The following NIBAN1 variants were observed in gnomAD, a reference collection of about 807,000 sequenced individuals.
NIBAN1 encodes the protein niban apoptosis regulator 1.
In NIBAN1, 81 loss-of-function variants were observed where a neutral mutation model predicts 75.1. The ratio of observed to expected loss-of-function variants is 1.08; its 90% CI spans 0.90 to 1.30. The LOEUF is 1.30. NIBAN1 is among the 50% of genes most tolerant of loss of function. The pLI, the probability that NIBAN1 is intolerant of heterozygous loss-of-function variation, is 0.00. For synonymous variants in NIBAN1, 436 were observed against 424.8 expected, an observed-to-expected ratio of 1.03 and a Z score of -0.32; for missense variants, 1,133 against 1,128.1, an observed-to-expected ratio of 1.00 and a Z score of -0.06.
intron 1 of NIBAN1, among the ~76,000 whole-genome samples, chr1:184,962,357 G>A (rs1658671272): frequency 6.6e-6 from 1 of 152,132 alleles, no homozygotes; most frequent in Non-Finnish European, 1.5e-5. Flanking sequence ...GAGAATTTGT[G>A]TATATTTAAT....
intron 6 of NIBAN1, 147 bp downstream of exon 6, chr1:184,831,700 C>T (rs533040448): frequency 4.7e-6 from 3 of 634,102 alleles, no homozygotes; most frequent in Admixed American, 5.7e-5. Flanking sequence ...CTGACCAATG[C>T]TTGCAGACAT....
At chr1:184,824,556 G>A (rs967960066) in intron 6 of NIBAN1, among the ~76,000 whole-genome samples, 4 of 152,180 alleles carry the variant, frequency 2.6e-5, no homozygotes, top group East Asian at 1.9e-4. Context: ...CTGGCAAAGA[G>A]GGAAATAATC....
At chr1:184,898,400 A>G (rs1421656523) in intron 2 of NIBAN1, among the ~76,000 whole-genome samples, 1 of 152,182 alleles carries the variant, frequency 6.6e-6, no homozygotes, top group African/African-American at 2.4e-5. Flanking sequence ...GGATCACTTG[A>G]GGTCAGGAGT....
chr1:184,837,822 A>G (rs1655179034), intron 5 of NIBAN1, among the ~76,000 whole-genome samples: 2 of 152,092 alleles, frequency 1.3e-5, no homozygotes, highest in South Asian at 2.1e-4. Flanking sequence ...CTCTTCTTCC[A>G]TATGGTAACC....
At chr1:184,903,882 G>A (rs1284460554) in intron 1 of NIBAN1, among the ~76,000 whole-genome samples, 1 of 150,998 alleles carries the variant, frequency 6.6e-6, no homozygotes, top group African/African-American at 2.4e-5. Flanking sequence ...GACCACAGGA[G>A]CGTGCCACCA....
intron 1 of NIBAN1, among the ~76,000 whole-genome samples, chr1:184,947,787 C>T (rs1025379293): frequency 6.6e-6 from 1 of 152,170 alleles, no homozygotes; most frequent in African/African-American, 2.4e-5. Flanking sequence ...AGTCCTGGCA[C>T]AATTCACTAA....
At chr1:184,956,033 GT>G (rs1553231287) in intron 1 of NIBAN1, among the ~76,000 whole-genome samples, 5 of 148,076 alleles carry the variant, frequency 3.4e-5, no homozygotes, top group South Asian at 2.1e-4. Context: ...CTTTTTGTTT[GT>G]TTTTTTTTTT....
At chr1:184,857,179 G>A (rs1168136020) in intron 5 of NIBAN1, among the ~76,000 whole-genome samples, 1 of 152,184 alleles carries the variant, frequency 6.6e-6, no homozygotes, top group East Asian at 1.9e-4. Flanking sequence ...ATGGGTTCTG[G>A]AGTCTGCAAG....
At chr1:184,901,978 T>G (rs940360865) in intron 1 of NIBAN1, among the ~76,000 whole-genome samples, 2 of 152,184 alleles carry the variant, frequency 1.3e-5, no homozygotes, top group African/African-American at 4.8e-5. Context: ...TAAAGTTATT[T>G]GGCAAGTGTA....
intron 1 of NIBAN1, among the ~76,000 whole-genome samples, chr1:184,961,734 G>T (rs550158122): frequency 2.6e-5 from 4 of 152,318 alleles, no homozygotes; most frequent in South Asian, 4.1e-4. Flanking sequence ...TGATGGCTTA[G>T]GAAGGAATGT....
rs148871706 is a variant in NIBAN1, at chr1:184,843,358, G to A, written c.602-11396C>T. On this transcript the variant is annotated intron_variant, in intron 5 of 13. Transcript: ENST00000367511. ...TGAATGATCTGTTTCTTTACCATAA[G>A]TTTTTTTTCAAAGCCTTACAGATAT... Among the ~76,000 whole-genome samples, 709 of 151,524 alleles carry A rather than the reference G, an allele frequency of 4.7e-3. 9 individuals carry two copies. Among genetic ancestry groups the A allele is most frequent in the African/African-American group, 0.016 (669 of 41,294 alleles).
chr1:184,823,044 T>G (rs892631158), intron 8 of NIBAN1, 123 bp downstream of exon 8: 1 of 1,175,160 alleles, frequency 8.5e-7, no homozygotes, highest in Admixed American at 2.3e-5. Flanking sequence ...GTTGCAGCTG[T>G]GATCACCTCC....
At chr1:184,904,251 G>A (rs779889217) in intron 1 of NIBAN1, among the ~76,000 whole-genome samples, 36 of 151,508 alleles carry the variant, frequency 2.4e-4, no homozygotes, top group Non-Finnish European at 2.9e-4. Flanking sequence ...GGCTGGTTTC[G>A]AATCCCTAGA....
chr1:184,797,587 G>A (rs1558094159), intron 13 of NIBAN1, among the ~76,000 whole-genome samples: 1 of 151,456 alleles, frequency 6.6e-6, no homozygotes, highest in Non-Finnish European at 1.5e-5. Flanking sequence ...GTCTGGCTGA[G>A]TGGAGTCTGG....
At chr1:184,836,659 G>T (rs1655153830) in intron 5 of NIBAN1, among the ~76,000 whole-genome samples, 1 of 152,162 alleles carries the variant, frequency 6.6e-6, no homozygotes, top group South Asian at 2.1e-4. Flanking sequence ...TCTTAATACA[G>T]AAGAGAAGAA....
chr1:184,796,913 C>G (rs1053839840), intron 13 of NIBAN1, among the ~76,000 whole-genome samples: 4 of 152,154 alleles, frequency 2.6e-5, no homozygotes, highest in Non-Finnish European at 4.4e-5. Flanking sequence ...CAAAAGTGCC[C>G]ATGGTGGGCT....
At chr1:184,799,494 A>G (rs1653970816) in intron 12 of NIBAN1, among the ~76,000 whole-genome samples, 1 of 149,696 alleles carries the variant, frequency 6.7e-6, no homozygotes, top group African/African-American at 2.5e-5. Context: ...ATAGTGCCAC[A>G]ATAAACATAT....
At chr1:184,923,894 A>G (rs1291161263) in intron 1 of NIBAN1, among the ~76,000 whole-genome samples, 2 of 150,686 alleles carry the variant, frequency 1.3e-5, no homozygotes, top group African/African-American at 4.9e-5. Context: ...TAGAAATGCT[A>G]CTGATTTTTG....
chr1:184,855,347 A>G (rs1211648590), intron 5 of NIBAN1, among the ~76,000 whole-genome samples: 1 of 152,240 alleles, frequency 6.6e-6, no homozygotes, highest in Non-Finnish European at 1.5e-5. Flanking sequence ...ATTGAATAAA[A>G]TAACATTGAA....
Sources: allele counts gnomAD v4.1 joint callset (sites outside exome capture counted in the v4.1 genomes callset), GRCh38; gene constraint gnomAD v4.1.1; transcripts MANE v1.5; gene names NCBI Gene and HGNC (gene_info 2026-07-23, HGNC 2026-07-21).